Variants in AGO1 observed in about 807,000 individuals in gnomAD.
AGO1 encodes the protein argonaute RISC component 1.
Under a neutral mutation model 109.2 loss-of-function variants are expected in AGO1, and 11 were observed. The ratio of observed to expected loss-of-function variants is 0.10; its 90% CI spans 0.06 to 0.17. The LOEUF (loss-of-function observed/expected upper bound fraction) is 0.17. Ranked by LOEUF, AGO1 falls within the 10% of genes least tolerant of loss-of-function variation. The pLI is 1.00. For synonymous variants in AGO1, 422 were observed against 418.6 expected (o/e 1.01, Z -0.10); for missense variants, 574 against 1,140.3 (o/e 0.50, Z 7.15).
chr1:35,883,316 C>A lies in AGO1; in HGVS notation c.-106C>A. On this transcript the variant is annotated 5_prime_UTR_variant, in exon 1 of 19. Transcript: ENST00000373204. This position sits in a 1 kb window ranked among gnomAD's most constrained non-coding sequence, Gnocchi z 5.4. ...CGAGCGGCCGGGCTTGGTAGGGGAG[C>A]CGAGCCCGGCCCGGGATCCCGAGCA... 1 of 1,500,358 alleles carries A rather than the reference C, an allele frequency of 6.7e-7. No individual in the cohort carries two copies. Among genetic ancestry groups the A allele is most frequent in the Non-Finnish European group, 8.8e-7 (1 of 1,130,966 alleles). 92.9% of individuals were successfully genotyped at this position (1,500,358 alleles called of 1,614,324 possible). A position where few individuals can be genotyped will look rare whatever the true frequency, so the allele number is the denominator to read the frequency against.
chr1:35,879,524 G>A (rs191923402), upstream of AGO1, among the ~76,000 whole-genome samples: 339 of 151,868 alleles, frequency 2.2e-3, no homozygotes, highest in Middle Eastern at 6.8e-3. Context: ...TTGGGAGGCC[G>A]AGGTGGGCGG....
chr1:35,874,270 C>A (rs539221663), intron 1 of AGO1, among the ~76,000 whole-genome samples: 1 of 152,150 alleles, frequency 6.6e-6, no homozygotes, highest in South Asian at 2.1e-4. Flanking sequence ...TGGGCTCAAT[C>A]GATCCTCCCA....
At chr1:35,871,808 G>A (rs1204942501) in intron 1 of AGO1, among the ~76,000 whole-genome samples, 1 of 151,976 alleles carries the variant, frequency 6.6e-6, no homozygotes, top group Non-Finnish European at 1.5e-5. Flanking sequence ...GGTGGCTCAC[G>A]CCTGTAATCC....
chr1:35,916,088 A>G (rs934864580), intron 15 of AGO1, among the ~76,000 whole-genome samples: 3 of 151,682 alleles, frequency 2.0e-5, no homozygotes, highest in Non-Finnish European at 4.4e-5. Context: ...TAATAGTATT[A>G]TAACTACTGT....
intron 13 of AGO1, 47 bp downstream of exon 13, chr1:35,914,048 G>GA: frequency 6.2e-7 from 1 of 1,611,056 alleles, no homozygotes. Flanking sequence ...ACCATGCTGG[G>GA]AATTGATGAA....
intron 2 of AGO1, among the ~76,000 whole-genome samples, chr1:35,891,107 G>A (rs1375580221): frequency 6.6e-6 from 1 of 152,186 alleles, no homozygotes; most frequent in African/African-American, 2.4e-5. Flanking sequence ...GTTCTACATA[G>A]TCTACATAGT....
In AGO1 at chr1:35,917,586, TGCCTAGA is replaced by T; in HGVS notation, c.2029-6_2029del. The T allele has an allele frequency of 6.2e-7, 1 of 1,608,676 alleles. No homozygotes were observed. Among genetic ancestry groups the T allele is most frequent in the Non-Finnish European group, 8.5e-7 (1 of 1,175,930 alleles). The stretch of plus-strand genomic sequence containing the variant: ...CTTTGTTTCCCTCCCCATTTTTTTG[TGCCTAGA>T]TACTCCACTATGAGCTACTGGCCAT... On this transcript the variant is annotated splice_acceptor_variant and splice_polypyrimidine_tract_variant and coding_sequence_variant and intron_variant, in exon 16 of 19. Transcript: ENST00000373204. LOFTEE classifies it high-confidence loss of function.
chr1:35,883,286 C>T lies in AGO1; in HGVS notation c.-136C>T, dbSNP rs941176687. On this transcript the variant is annotated 5_prime_UTR_variant, in exon 1 of 19. Coordinates refer to ENST00000373204, the MANE Select transcript of AGO1 (RefSeq NM_012199.5). The surrounding 1 kb of genome is among the most constrained non-coding windows in gnomAD (Gnocchi z 5.4). The stretch of plus-strand genomic sequence containing the variant: ...GCGGCAACGGAGGCTGCGGGGGCGG[C>T]GGCGCGAGCGGCCGGGCTTGGTAGG... The T allele has an allele frequency of 2.8e-5, 40 of 1,413,150 alleles. No individual in the cohort carries two copies. Among genetic ancestry groups the T allele is most frequent in the East Asian group, 9.1e-5 (3 of 32,818 alleles). 87.5% of individuals were successfully genotyped at this position (1,413,150 alleles called of 1,614,324 possible).
intron 8 of AGO1, among the ~76,000 whole-genome samples, chr1:35,900,225 G>A (rs1388429662): frequency 6.6e-6 from 1 of 152,212 alleles, no homozygotes; most frequent in African/African-American, 2.4e-5. Flanking sequence ...GCAGGATGGA[G>A]CAACCTGTCA....
At chr1:35,914,623 T>C (rs115289952) in intron 14 of AGO1, among the ~76,000 whole-genome samples, 84 of 152,310 alleles carry the variant, frequency 5.5e-4, no homozygotes, top group Admixed American at 2.8e-3. Flanking sequence ...GCGAGGACTA[T>C]CCTTTGCTCT....
chr1:35,893,362 A>G lies in AGO1; in HGVS notation c.512+84A>G, dbSNP rs1645257538. 2.1e-6 allele frequency: 3 copies of G among 1,442,448 alleles called. No individual in the cohort carries two copies. In the South Asian group the frequency reaches 4.0e-5, roughly 19 times the overall value. The allele number at this position is 1,442,448 out of a possible 1,614,324, so 89.4% of individuals were successfully genotyped here. ...GAGGGGGAGCACATATTAAGGTCCC[A>G]CAGAGTGCCATTAAAAAAAAAAATT... On this transcript the variant is annotated intron_variant, in intron 4 of 18. Coordinates refer to ENST00000373204, the MANE Select transcript of AGO1 (RefSeq NM_012199.5). This position sits in a 1 kb window ranked among gnomAD's most constrained non-coding sequence, Gnocchi z 5.6.
At chr1:35,894,721 A>G (rs72902968) in intron 7 of AGO1, among the ~76,000 whole-genome samples, 3,726 of 152,328 alleles carry the variant, frequency 0.024, 160 homozygotes, top group African/African-American at 0.085. Context: ...TTGAAAAAAG[A>G]AAGCGAGGCT....
intron 15 of AGO1, 141 bp downstream of exon 15, chr1:35,915,683 A>T: frequency 1.3e-6 from 1 of 763,958 alleles, no homozygotes; most frequent in Non-Finnish European, 2.1e-6. Context: ...GGGGGCAAGG[A>T]TCGCAACTGA....
chr1:35,893,676 A>G lies in AGO1; in HGVS notation c.515A>G (p.Tyr172Cys). 1 of 1,611,320 alleles carries G rather than the reference A, an allele frequency of 6.2e-7. No homozygotes were observed. The highest frequency in any genetic ancestry group is 8.5e-7 in the Non-Finnish European group (1 of 1,178,566). The change falls in exon 5 of 19, where the codon TAC becomes TGC. Residue 172 changes from tyrosine to cysteine, a missense_variant and splice_region_variant. Coordinates refer to ENST00000373204, the MANE Select transcript of AGO1 (RefSeq NM_012199.5). The surrounding 1 kb of genome is among the most constrained non-coding windows in gnomAD (Gnocchi z 5.6). ...AGTTCTCTGCCTGTCCCTGCCAGGT[A>G]CACCCCTGTGGGCCGCTCCTTCTTC... ...VAMRHLASMR[Y>C]TPVGRSFFSP...
At position 35,919,475 on chromosome 1, in the gene AGO1, C is replaced by A. The variant is rs372256300; in HGVS notation, c.2466-24C>A. ...GCAGCTCTCAGTTCACCAGGAAGGACTTCTTTCATTTTTTCCTTTTCAGTG... is the reference window on the plus strand; with the variant it reads ...GCAGCTCTCAGTTCACCAGGAAGGAATTCTTTCATTTTTTCCTTTTCAGTG... On this transcript the variant is annotated intron_variant, in intron 18 of 18. Transcript: ENST00000373204. The surrounding 1 kb of genome is among the most constrained non-coding windows in gnomAD (Gnocchi z 6.6). The A allele has an allele frequency of 3.8e-6, 6 of 1,598,130 alleles. No individual in the cohort carries two copies. Among genetic ancestry groups the A allele is most frequent in the Non-Finnish European group, 5.1e-6 (6 of 1,169,850 alleles).
upstream of AGO1, chr1:35,882,861 C>T (rs1033841671): frequency 1.0e-6 from 1 of 985,370 alleles, no homozygotes; most frequent in Middle Eastern, 5.2e-4. The surrounding 1 kb of genome is among the most constrained non-coding windows in gnomAD (Gnocchi z 5.1). Context: ...GCTGGAGTGC[C>T]AGGGGGTCTG....
At chr1:35,907,851 A>G (rs908849010) in intron 12 of AGO1, among the ~76,000 whole-genome samples, 1 of 152,114 alleles carries the variant, frequency 6.6e-6, no homozygotes, top group East Asian at 1.9e-4. Context: ...GAGGCCTGGT[A>G]CAGTGGTTCA....
chr1:35,890,379 A>G (rs981497137), intron 2 of AGO1, among the ~76,000 whole-genome samples: 13 of 152,190 alleles, frequency 8.5e-5, no homozygotes, highest in African/African-American at 3.1e-4. Context: ...ATACAGGCAT[A>G]TATGCACATA....
At chr1:35,889,776 C>T (rs910941199) in intron 2 of AGO1, among the ~76,000 whole-genome samples, 3 of 151,762 alleles carry the variant, frequency 2.0e-5, no homozygotes, top group Admixed American at 6.6e-5. Flanking sequence ...AGGCAATTCT[C>T]GTGCCTCTGC....
Sources: allele counts gnomAD v4.1 joint callset (sites outside exome capture counted in the v4.1 genomes callset), GRCh38; gene constraint gnomAD v4.1.1; non-coding constraint Gnocchi (gnomAD v3.1); transcripts MANE v1.5; gene names NCBI Gene and HGNC (gene_info 2026-07-23, HGNC 2026-07-21).